MARCHF1: variants seen among roughly 807,000 people sequenced by gnomAD.
MARCHF1 encodes membrane associated ring-CH-type finger 1, also known as E3 ubiquitin-protein ligase MARCHF1.
In MARCHF1, 40 loss-of-function variants were observed where a neutral mutation model predicts 54.2. The ratio of observed to expected loss-of-function variants is 0.74; its 90% CI spans 0.57 to 0.96. The LOEUF is 0.96. MARCHF1 is among the 40% of genes least tolerant of loss of function. The pLI, the probability that MARCHF1 is intolerant of heterozygous loss-of-function variation, is 0.00. For synonymous variants in MARCHF1, 236 were observed against 236.3 expected, an observed-to-expected ratio of 1.00 and a Z score of 0.01; for missense variants, 586 against 656.5, an observed-to-expected ratio of 0.89 and a Z score of 1.17.
At chr4:164,272,494 T>C (rs1217860724) in intron 1 of MARCHF1, among the ~76,000 whole-genome samples, 3 of 152,028 alleles carry the variant, frequency 2.0e-5, no homozygotes, top group Non-Finnish European at 4.4e-5. Flanking sequence ...TATTGTTTAG[T>C]GAAAAAGTAA....
rs1738183286 is a variant in MARCHF1 at position 163,527,846 on chromosome 4, A to G, written c.*902T>C. 1 of 124,590 alleles carries G rather than the reference A, an allele frequency of 8.0e-6. No individual in the cohort carries two copies. The highest frequency in any genetic ancestry group is 2.6e-5 in the African/African-American group (1 of 38,964). The allele number at this position is 124,590 out of a possible 1,614,324, so 7.7% of individuals were successfully genotyped here. On this transcript the variant is annotated 3_prime_UTR_variant, in exon 10 of 10. Coordinates refer to ENST00000514618, the MANE Select transcript of MARCHF1 (RefSeq NM_001394959.1). ...ATCAATCAATCAATTTTTTATATTG[A>G]TGACATGTTGAAATAACATATAGTG...
At chr4:164,221,039 A>C (rs1305374976) in intron 1 of MARCHF1, among the ~76,000 whole-genome samples, 1 of 151,962 alleles carries the variant, frequency 6.6e-6, no homozygotes, top group Non-Finnish European at 1.5e-5. Context: ...CATTCCTTTC[A>C]GAATTGATTT....
At chr4:163,929,924 TATAA>T (rs1751619440) in intron 3 of MARCHF1, among the ~76,000 whole-genome samples, 1 of 91,012 alleles carries the variant, frequency 1.1e-5, no homozygotes, top group African/African-American at 4.0e-5. Flanking sequence ...ATATAATATA[TATAA>T]TATATTATAT....
chr4:163,775,436 A>C (rs184356915), intron 4 of MARCHF1, among the ~76,000 whole-genome samples: 274 of 152,288 alleles, frequency 1.8e-3, no homozygotes, highest in Non-Finnish European at 3.3e-3. Context: ...CCCTATGCTT[A>C]GAACAAAGCC....
intron 3 of MARCHF1, among the ~76,000 whole-genome samples, chr4:163,874,189 A>C (rs1750240072): frequency 6.6e-6 from 1 of 152,330 alleles, no homozygotes; most frequent in African/African-American, 2.4e-5. Flanking sequence ...TCAGTGGGGC[A>C]TGGGAACTCA....
intron 4 of MARCHF1, among the ~76,000 whole-genome samples, chr4:163,724,265 G>T (rs1255887897): frequency 1.3e-5 from 2 of 152,188 alleles, no homozygotes; most frequent in African/African-American, 4.8e-5. Context: ...GTTGGAGTTT[G>T]CTGGAGGTCC....
intron 3 of MARCHF1, among the ~76,000 whole-genome samples, chr4:163,954,925 T>A (rs1752201744): frequency 2.0e-5 from 3 of 152,082 alleles, no homozygotes; most frequent in African/African-American, 7.2e-5. Context: ...AACTATAGAC[T>A]GTTTGAAATT....
At position 163,770,521 on chromosome 4, in the gene MARCHF1, AACACACACACACACAC is replaced by A. The variant is rs36201521; in HGVS notation, c.112-69674_112-69659del. Among the ~76,000 whole-genome samples, 1,292 of 147,258 alleles carry A rather than the reference AACACACACACACACAC, an allele frequency of 8.8e-3. 11 individuals are homozygous for A. The highest frequency in any genetic ancestry group is 0.04 in the East Asian group (202 of 4,998). ...TGTTAGAATACATTTTCCCTCACTG[AACACACACACACACAC>A]ACACACACACACACACACACACACA... On this transcript the variant is annotated intron_variant, in intron 4 of 9. Transcript: ENST00000514618.
chr4:163,710,832 T>C (rs949361871), intron 4 of MARCHF1, among the ~76,000 whole-genome samples: 1 of 152,096 alleles, frequency 6.6e-6, no homozygotes, highest in African/African-American at 2.4e-5. Context: ...ATGCAGAAGG[T>C]GATGATTTTA....
chr4:163,835,509 T>A (rs980290443), intron 4 of MARCHF1, among the ~76,000 whole-genome samples: 1 of 152,194 alleles, frequency 6.6e-6, no homozygotes, highest in Non-Finnish European at 1.5e-5. Context: ...TAGCCAATAT[T>A]TCGAATTGTG....
At chr4:164,063,134 T>C (rs1029118692) in intron 2 of MARCHF1, among the ~76,000 whole-genome samples, 4 of 152,172 alleles carry the variant, frequency 2.6e-5, no homozygotes, top group African/African-American at 9.7e-5. Context: ...GAGTATACTT[T>C]GCGTAATTCT....
chr4:163,845,460 TACACACACACAC>T lies in MARCHF1; in HGVS notation c.111+8549_111+8560del, dbSNP rs10611765. Among the ~76,000 whole-genome samples, 276 of 137,582 alleles carry T rather than the reference TACACACACACAC, an allele frequency of 2.0e-3. 4 individuals are homozygous for T. The East Asian group carries it at 0.038, about 19-fold the overall frequency. The allele number at this position is 137,582 out of a possible 152,430, so 90.3% of individuals were successfully genotyped here. ...ATGGGGAGAGACAATGCACCTCAGTTACACACACACACACACACACACACACACACACACACA... is the reference window on the plus strand; with the variant it reads ...ATGGGGAGAGACAATGCACCTCAGTTACACACACACACACACACACACACA... On this transcript the variant is annotated intron_variant, in intron 4 of 9. Transcript: ENST00000514618.
intron 2 of MARCHF1, among the ~76,000 whole-genome samples, chr4:163,989,694 A>C (rs768342938): frequency 6.6e-6 from 1 of 152,214 alleles, no homozygotes; most frequent in Non-Finnish European, 1.5e-5. Context: ...AATTACATTA[A>C]CTTTGTAAAA....
intron 7 of MARCHF1, among the ~76,000 whole-genome samples, chr4:163,594,786 A>ACCCC (rs1553995236): frequency 4.0e-5 from 6 of 151,448 alleles, no homozygotes; most frequent in African/African-American, 1.2e-4. Context: ...ACACACACAC[A>ACCCC]CCCAAACCCA....
rs1483877980 is a variant in MARCHF1 at position 163,786,448 on chromosome 4, G to A, written c.111+67573C>T. 2.0e-5 allele frequency among the ~76,000 whole-genome samples: 3 copies of A among 151,712 alleles called. No individual in the cohort carries two copies. In the South Asian group the frequency reaches 6.2e-4, roughly 32 times the overall value. Reference sequence around the variant, plus strand: ...ACTCTTTCTCCCTCTAAGTAATGTAGAATAATAAATAATGAAGAATAAGAA... The same window carrying A: ...ACTCTTTCTCCCTCTAAGTAATGTAAAATAATAAATAATGAAGAATAAGAA... On this transcript the variant is annotated intron_variant, in intron 4 of 9. Transcript: ENST00000514618.
chr4:163,942,973 T>C (rs1164955696), intron 3 of MARCHF1, among the ~76,000 whole-genome samples: 1 of 152,162 alleles, frequency 6.6e-6, no homozygotes, highest in Non-Finnish European at 1.5e-5. Flanking sequence ...TAGTTTTTTG[T>C]TGTTGTTGGC....
chr4:164,321,264 A>T (rs1735136542), intron 1 of MARCHF1, among the ~76,000 whole-genome samples: 1 of 152,150 alleles, frequency 6.6e-6, no homozygotes, highest in Non-Finnish European at 1.5e-5. Flanking sequence ...AACACAAAGA[A>T]AGGACTTTCT....
intron 2 of MARCHF1, among the ~76,000 whole-genome samples, chr4:164,008,834 G>C (rs1389529469): frequency 2.0e-5 from 3 of 151,852 alleles, no homozygotes; most frequent in Non-Finnish European, 2.9e-5. Context: ...GGCAAAAACA[G>C]TAAGAAGAGA....
intron 1 of MARCHF1, among the ~76,000 whole-genome samples, chr4:164,187,604 T>C (rs1485215831): frequency 6.6e-6 from 1 of 152,150 alleles, no homozygotes; most frequent in African/African-American, 2.4e-5. Context: ...CCTCACTGAC[T>C]GAATCTATGG....
Sources: allele counts gnomAD v4.1 joint callset (sites outside exome capture counted in the v4.1 genomes callset), GRCh38; gene constraint gnomAD v4.1.1; transcripts MANE v1.5; gene names NCBI Gene and HGNC (gene_info 2026-07-23, HGNC 2026-07-21).